Variants in PUS7 observed in about 807,000 individuals in gnomAD.
PUS7 encodes the protein pseudouridine synthase 7.
In PUS7, 48 loss-of-function variants were observed where a neutral mutation model predicts 79.8. The observed-to-expected ratio is 0.60, with a 90% confidence interval of 0.48 to 0.76. The LOEUF is 0.76. Ranked by LOEUF, PUS7 falls within the 30% of genes least tolerant of loss-of-function variation. PUS7 has a pLI of 0.00. For synonymous variants in PUS7, 286 were observed against 272.2 expected (o/e 1.05, Z -0.50); for missense variants, 729 against 797.6 (o/e 0.91, Z 1.04).
intron 15 of PUS7, 37 bp from the exon 16 acceptor site, chr7:105,457,963 G>A (rs1356226995): frequency 1.9e-6 from 3 of 1,606,832 alleles, no homozygotes; most frequent in Middle Eastern, 1.7e-4. Flanking sequence ...GAAAATGAAG[G>A]CAGCTGCAGA....
chr7:105,463,645 CTT>C lies in PUS7; in HGVS notation c.1628-897_1628-896del, dbSNP rs5886354. 8.8e-3 allele frequency among the ~76,000 whole-genome samples: 1,299 copies of C among 146,944 alleles called. 3 individuals carry two copies. Among genetic ancestry groups the C allele is most frequent in the African/African-American group, 0.018 (712 of 40,328 alleles). ...TTCCTATTAAATACCTTCTGCAGTT[CTT>C]TTTTTTTTTTTTAACATCTTACTAA... is the stretch of plus-strand genomic sequence containing the variant. On this transcript the variant is annotated intron_variant, in intron 13 of 15. Transcript: ENST00000469408.
At chr7:105,459,284 A>C (rs559567516) in intron 14 of PUS7, 25 bp from the exon 15 acceptor site, 1 of 1,497,500 alleles carries the variant, frequency 6.7e-7, no homozygotes, top group South Asian at 1.2e-5. Flanking sequence ...AATAAAGATA[A>C]GTGTGAATGT....
chr7:105,471,543 T>C (rs1203239129), intron 10 of PUS7, among the ~76,000 whole-genome samples: 1 of 152,216 alleles, frequency 6.6e-6, no homozygotes, highest in Non-Finnish European at 1.5e-5. Flanking sequence ...CTGGGCGTGG[T>C]GCTCACGCCT....
In PUS7 at chr7:105,508,329, G is replaced by A. The variant is rs1825554194; in HGVS notation, c.184C>T (p.Pro62Ser). 2 of 1,613,972 alleles carry A rather than the reference G, an allele frequency of 1.2e-6. No homozygotes were observed. The highest frequency in any genetic ancestry group is 1.7e-6 in the Non-Finnish European group (2 of 1,180,036). ...LSISEDVPRPPDTVSTGKGGK... is the reference protein window; with the variant it reads ...LSISEDVPRPSDTVSTGKGGK... ...CCTTTCCCAGTACTGACAGTGTCAGGAGGCCGAGGCACGTCTTCACTGATG... is the reference window on the plus strand; with the variant it reads ...CCTTTCCCAGTACTGACAGTGTCAGAAGGCCGAGGCACGTCTTCACTGATG... The change falls in exon 2 of 16, where the codon CCT becomes TCT. Residue 62 changes from proline (P) to serine (S), a missense_variant. Pro to Ser is a moderately conservative substitution (Grantham distance 74, BLOSUM62 -1). Transcript: ENST00000469408.
intron 11 of PUS7, among the ~76,000 whole-genome samples, chr7:105,468,797 C>T (rs1051662695): frequency 2.0e-5 from 3 of 152,120 alleles, no homozygotes; most frequent in African/African-American, 7.2e-5. Context: ...GAATTACAGG[C>T]GTGAGCCACC....
intron 1 of PUS7, among the ~76,000 whole-genome samples, chr7:105,520,186 G>A (rs990998925): frequency 6.6e-5 from 10 of 152,288 alleles, no homozygotes; most frequent in Middle Eastern, 3.4e-3. Flanking sequence ...TAGGCGGGGC[G>A]CGGTGGCTCA....
At chr7:105,501,237 T>C (rs1825234736) in intron 5 of PUS7, among the ~76,000 whole-genome samples, 1 of 152,224 alleles carries the variant, frequency 6.6e-6, no homozygotes, top group Admixed American at 6.5e-5. Flanking sequence ...CCCTAATAAA[T>C]AAACAGTTTT....
At chr7:105,508,600 G>C in intron 1 of PUS7, 56 bp from the exon 2 acceptor site, 2 of 1,526,544 alleles carry the variant, frequency 1.3e-6, no homozygotes, top group Non-Finnish European at 1.7e-6. Context: ...GTTTCAGGCC[G>C]GGCGCGGTGG....
At chr7:105,512,507 A>G (rs115874577) in intron 1 of PUS7, among the ~76,000 whole-genome samples, 214 of 152,328 alleles carry the variant, frequency 1.4e-3, no homozygotes, top group African/African-American at 5.0e-3. Flanking sequence ...TTGTGGCATA[A>G]GGAAGAGGAA....
At chr7:105,497,066 T>C in intron 5 of PUS7, 1 of 983,008 alleles carries the variant, frequency 1.0e-6, no homozygotes, top group Non-Finnish European at 1.3e-6. Flanking sequence ...GATCGCATGG[T>C]TAAGTTTACA....
intron 4 of PUS7, 118 bp downstream of exon 4, chr7:105,505,837 A>G: frequency 1.2e-6 from 1 of 826,756 alleles, no homozygotes; most frequent in Non-Finnish European, 1.9e-6. Flanking sequence ...CTTTAGATCC[A>G]ATAGAGCAAA....
chr7:105,495,408 T>TA (rs1201425847), intron 5 of PUS7, 155 bp from the exon 6 acceptor site: 1 of 522,002 alleles, frequency 1.9e-6, no homozygotes, highest in South Asian at 2.7e-5. Context: ...CTAGAGGTAT[T>TA]ACATTTCCTG....
At chr7:105,503,689 G>A (rs1400573447) in intron 4 of PUS7, among the ~76,000 whole-genome samples, 5 of 151,950 alleles carry the variant, frequency 3.3e-5, no homozygotes, top group Non-Finnish European at 7.4e-5. Context: ...CTGGAGTGCA[G>A]TGATGCGACC....
chr7:105,489,165 A>AG (rs1361533730), intron 7 of PUS7, among the ~76,000 whole-genome samples: 8 of 150,494 alleles, frequency 5.3e-5, no homozygotes, highest in African/African-American at 1.9e-4. Flanking sequence ...AAAAAAAAAA[A>AG]AAAGAAAGAA....
chr7:105,479,154 A>G (rs1824219574), intron 9 of PUS7, among the ~76,000 whole-genome samples: 1 of 152,186 alleles, frequency 6.6e-6, no homozygotes, highest in African/African-American at 2.4e-5. Context: ...CTTCATTTTC[A>G]CCATTCTGTG....
At chr7:105,507,821 C>A (rs982356681) in intron 2 of PUS7, among the ~76,000 whole-genome samples, 1 of 152,146 alleles carries the variant, frequency 6.6e-6, no homozygotes, top group Non-Finnish European at 1.5e-5. Flanking sequence ...GGATAACAGG[C>A]GTAAGCCACT....
intron 11 of PUS7, 51 bp from the exon 12 acceptor site, chr7:105,468,514 G>A: frequency 2.7e-6 from 4 of 1,503,956 alleles, no homozygotes; most frequent in Non-Finnish European, 3.6e-6. Flanking sequence ...AATATAAAAA[G>A]TGCTGTACTT....
intron 7 of PUS7, among the ~76,000 whole-genome samples, chr7:105,486,522 C>T (rs181263549): frequency 1.4e-4 from 22 of 152,160 alleles, no homozygotes; most frequent in Admixed American, 1.3e-3. Flanking sequence ...CCCAAGAGCA[C>T]GAATTAACCC....
intron 1 of PUS7, among the ~76,000 whole-genome samples, chr7:105,512,082 T>C (rs1480716338): frequency 1.4e-5 from 2 of 138,678 alleles, no homozygotes; most frequent in African/African-American, 2.7e-5. Flanking sequence ...GAGGCGGACG[T>C]TGCAGTGAGT....
Sources: gnomAD v4.1 joint callset for allele counts (sites outside exome capture counted in the v4.1 genomes callset) on GRCh38, gnomAD v4.1.1 for gene constraint, MANE v1.5 for transcripts, NCBI Gene and HGNC (gene_info 2026-07-23, HGNC 2026-07-21) for gene names.